The following IMMP2L variants were observed in gnomAD, a reference collection of about 807,000 sequenced individuals.
The protein encoded by IMMP2L is mitochondrial inner membrane protease subunit 2.
IMMP2L carries 18 observed loss-of-function variants against 19.3 expected under a neutral mutation model. That is an observed-to-expected ratio of 0.93 (90% CI 0.64 to 1.38). IMMP2L has a LOEUF of 1.38. Ranked by LOEUF, IMMP2L falls within the 40% of genes most tolerant of loss-of-function variation. The pLI is 0.00. For synonymous variants in IMMP2L, 76 were observed against 73.0 expected (o/e 1.04, Z -0.21); for missense variants, 233 against 218.2 (o/e 1.07, Z -0.43).
chr7:110,859,855 C>T (rs1243710965), intron 5 of IMMP2L, among the ~76,000 whole-genome samples: 1 of 151,818 alleles, frequency 6.6e-6, no homozygotes, highest in African/African-American at 2.4e-5. Context: ...TAGTTCTAAA[C>T]CTAGAATAGG....
At chr7:111,144,020 T>A (rs1057053933) in intron 3 of IMMP2L, among the ~76,000 whole-genome samples, 3 of 152,154 alleles carry the variant, frequency 2.0e-5, no homozygotes, top group East Asian at 3.9e-4. Context: ...CACTGCAACA[T>A]TGTCAAATAA....
chr7:110,765,496 A>T (rs1798603493), intron 5 of IMMP2L, among the ~76,000 whole-genome samples: 1 of 151,496 alleles, frequency 6.6e-6, no homozygotes, highest in African/African-American at 2.4e-5. Context: ...TGTTTTCAAA[A>T]TTTTTTTTTC....
chr7:111,539,203 AAAGAAAGAAAG>A (rs1848245946), intron 1 of IMMP2L, among the ~76,000 whole-genome samples: 1 of 7,742 alleles, frequency 1.3e-4, no homozygotes, highest in Admixed American at 1.6e-3. Flanking sequence ...AGGGAGAAAG[AAAGAAAGAAAG>A]AAAGAAAGAA....
In IMMP2L at chr7:110,924,445, T is replaced by C. The variant is rs909950309; in HGVS notation, c.306-37750A>G. 3.9e-5 allele frequency among the ~76,000 whole-genome samples: 6 copies of C among 152,134 alleles called. No individual in the cohort carries two copies. Among genetic ancestry groups the C allele is most frequent in the Non-Finnish European group, 8.8e-5 (6 of 68,002 alleles). On this transcript the variant is annotated intron_variant, in intron 4 of 5. Coordinates refer to ENST00000405709, the MANE Select transcript of IMMP2L (RefSeq NM_032549.4). The surrounding 1 kb of genome is among the most constrained non-coding windows in gnomAD (Gnocchi z 4.2). ...ACTCATTAAAGGGGCCCCATCCTTC[T>C]GGCCAGTCACAAGGTCCTCTTGCTG...
At chr7:111,222,336 C>A (rs1314210590) in intron 3 of IMMP2L, among the ~76,000 whole-genome samples, 4 of 151,444 alleles carry the variant, frequency 2.6e-5, no homozygotes, top group African/African-American at 9.7e-5. Flanking sequence ...AAAACTCTGC[C>A]ACATAGAAAT....
chr7:111,154,714 T>C (rs1011985382), intron 3 of IMMP2L, among the ~76,000 whole-genome samples: 2 of 152,160 alleles, frequency 1.3e-5, no homozygotes, highest in Admixed American at 6.6e-5. Context: ...ATGGCTGCGA[T>C]CTAAAAATCA....
chr7:110,916,581 A>AT (rs1813637686), intron 4 of IMMP2L, among the ~76,000 whole-genome samples: 1 of 152,140 alleles, frequency 6.6e-6, no homozygotes, highest in South Asian at 2.1e-4. Context: ...TATATTCCTT[A>AT]TTTTTTTACC....
chr7:111,467,589 T>G (rs1345983033), intron 3 of IMMP2L, among the ~76,000 whole-genome samples: 2 of 152,180 alleles, frequency 1.3e-5, no homozygotes, highest in East Asian at 3.8e-4. Context: ...TCCTCGGGAT[T>G]ACAGAGACGG....
At chr7:110,699,818 C>A (rs1794142832) in intron 5 of IMMP2L, among the ~76,000 whole-genome samples, 1 of 150,822 alleles carries the variant, frequency 6.6e-6, no homozygotes, top group South Asian at 2.1e-4. Flanking sequence ...TATATTGTTA[C>A]ATTACGTGAG....
chr7:110,882,769 T>A (rs1357153765), intron 5 of IMMP2L, among the ~76,000 whole-genome samples: 1 of 149,906 alleles, frequency 6.7e-6, no homozygotes, highest in Non-Finnish European at 1.5e-5. Context: ...TTTCTTTTTC[T>A]TTTGTTTTTT....
chr7:111,203,940 G>T (rs2129616518), intron 3 of IMMP2L, among the ~76,000 whole-genome samples: 1 of 152,050 alleles, frequency 6.6e-6, no homozygotes, highest in Admixed American at 6.5e-5. Flanking sequence ...GTTTAAAATG[G>T]TTACTTTGAT....
rs1436270171 is a variant in IMMP2L at position 110,877,724 on chromosome 7, C to A, written c.408+8869G>T. ...GTGTTTTTGAGAAACCTGCACATCA[C>A]AAGTTTTACAAAAATTAAGTTTATT... On this transcript the variant is annotated intron_variant, in intron 5 of 5. Transcript: ENST00000405709. The surrounding 1 kb of genome is among the most constrained non-coding windows in gnomAD (Gnocchi z 4.0). Among the ~76,000 whole-genome samples the A allele has an allele frequency of 2.0e-5, 3 of 152,068 alleles. No individual in the cohort carries two copies. The highest frequency in any genetic ancestry group is 7.2e-5 in the African/African-American group (3 of 41,418).
intron 3 of IMMP2L, among the ~76,000 whole-genome samples, chr7:111,405,116 T>C (rs1399550054): frequency 6.6e-6 from 1 of 152,146 alleles, no homozygotes; most frequent in African/African-American, 2.4e-5. Context: ...TTTTACCGAC[T>C]ATGGTTTAGT....
chr7:111,390,815 C>T (rs989734349), intron 3 of IMMP2L: 1 of 152,028 alleles, frequency 6.6e-6, no homozygotes, highest in African/African-American at 2.4e-5. Context: ...TGCAGTGGGG[C>T]TAAATTTCAA....
intron 3 of IMMP2L, among the ~76,000 whole-genome samples, chr7:111,127,112 C>A (rs966834986): frequency 1.3e-5 from 2 of 152,160 alleles, no homozygotes; most frequent in African/African-American, 2.4e-5. Flanking sequence ...GCTAATTCAA[C>A]GTGTTTCTCA....
chr7:110,888,224 A>G (rs1364653332), intron 4 of IMMP2L, among the ~76,000 whole-genome samples: 2 of 152,196 alleles, frequency 1.3e-5, no homozygotes, highest in Non-Finnish European at 1.5e-5. Flanking sequence ...TCTTACCATC[A>G]TATACTCTGT....
intron 3 of IMMP2L, among the ~76,000 whole-genome samples, chr7:111,260,426 T>C (rs1817194675): frequency 6.6e-6 from 1 of 152,170 alleles, no homozygotes; most frequent in Non-Finnish European, 1.5e-5. Flanking sequence ...TAATTTGAAT[T>C]CTACAAAAGT....
At chr7:110,697,730 G>A (rs901252879) in intron 5 of IMMP2L, among the ~76,000 whole-genome samples, 1 of 152,156 alleles carries the variant, frequency 6.6e-6, no homozygotes, top group African/African-American at 2.4e-5. Flanking sequence ...GAAGTTCAAG[G>A]CAGCAGTTAG....
At chr7:111,344,144 C>T (rs1394700089) in intron 3 of IMMP2L, among the ~76,000 whole-genome samples, 1 of 152,086 alleles carries the variant, frequency 6.6e-6, no homozygotes, top group Non-Finnish European at 1.5e-5. Context: ...ATAGAAGTCA[C>T]TTTACTTAAA....
Sources: allele counts gnomAD v4.1 joint callset (sites outside exome capture counted in the v4.1 genomes callset), GRCh38; gene constraint gnomAD v4.1.1; non-coding constraint Gnocchi (gnomAD v3.1); transcripts MANE v1.5; gene names NCBI Gene and HGNC (gene_info 2026-07-23, HGNC 2026-07-21).